The following ABCA13 variants were observed in gnomAD, a reference collection of about 807,000 sequenced individuals.
The protein encoded by ABCA13 is ATP binding cassette subfamily A member 13.
Under a neutral mutation model 478.7 loss-of-function variants are expected in ABCA13, and 476 were observed. The ratio of observed to expected loss-of-function variants is 0.99; its 90% confidence interval spans 0.92 to 1.07. The LOEUF is 1.07. Ranked by LOEUF, ABCA13 falls within the 50% of genes least tolerant of loss-of-function variation. The pLI is 0.00. For missense variants in ABCA13, 6,060 were observed against 5,910.6 expected, an observed-to-expected ratio of 1.03 and a Z score of -0.83; for synonymous variants, 2,252 against 2,158.9, an observed-to-expected ratio of 1.04 and a Z score of -1.20.
intron 38 of ABCA13, among the ~76,000 whole-genome samples, chr7:48,402,146 C>T (rs1027716193): frequency 2.1e-4 from 32 of 152,058 alleles, no homozygotes; most frequent in African/African-American, 7.2e-4. Flanking sequence ...GAGGCAGCAG[C>T]GTGGGGCCAC....
intron 30 of ABCA13, among the ~76,000 whole-genome samples, 195 bp from the exon 31 acceptor site, chr7:48,351,986 G>C (rs139386740): frequency 0.018 from 2,712 of 152,310 alleles, 30 homozygotes; most frequent in Admixed American, 0.023. Flanking sequence ...AAGAGATCTT[G>C]GTTTAGGCTT....
At chr7:48,290,940 GAAAAAAAAAAAAAAA>G (rs57470116) in intron 20 of ABCA13, among the ~76,000 whole-genome samples, 1 of 48,790 alleles carries the variant, frequency 2.0e-5, no homozygotes, top group Non-Finnish European at 4.8e-5. Flanking sequence ...CACACTCAGG[GAAAAAAAAAAAAAAA>G]AAAAAAAAAA....
At chr7:48,596,713 T>G (rs1265100467) in intron 58 of ABCA13, among the ~76,000 whole-genome samples, 6 of 151,534 alleles carry the variant, frequency 4.0e-5, no homozygotes, top group South Asian at 2.1e-4. Flanking sequence ...CAGGAGAATG[T>G]CATGAGACCG....
In ABCA13 at chr7:48,249,342, A is replaced by T; in HGVS notation, c.1996A>T (p.Arg666Ter). 1 of 1,613,034 alleles carries T rather than the reference A, an allele frequency of 6.2e-7. No homozygotes were observed. The highest frequency in any genetic ancestry group is 8.5e-7 in the Non-Finnish European group (1 of 1,179,310). ...YVNMQESFQN[R>*]LLAFPEESPC... ...AAATATGCAAGAGAGTTTCCAGAAC[A>T]GACTATTGGGTAAGTCAGTAGCCTA... is the stretch of plus-strand genomic sequence containing the variant. Residue 666 changes from arginine (R) to a stop codon, truncating the protein, a stop_gained, in exon 15 of 62, where the codon AGA becomes TGA. Coordinates refer to ENST00000435803, the MANE Select transcript of ABCA13 (RefSeq NM_152701.5). LOFTEE classifies it high-confidence loss of function.
chr7:48,177,426 T>C (rs1385660023), intron 1 of ABCA13, among the ~76,000 whole-genome samples: 1 of 152,186 alleles, frequency 6.6e-6, no homozygotes, highest in Non-Finnish European at 1.5e-5. Flanking sequence ...GGGGTGCTGC[T>C]GAGCAGCCAC....
intron 29 of ABCA13, among the ~76,000 whole-genome samples, chr7:48,342,674 C>G (rs1205056724): frequency 6.6e-6 from 1 of 152,176 alleles, no homozygotes; most frequent in African/African-American, 2.4e-5. Flanking sequence ...CTGATCACTT[C>G]TCTCTCTGCT....
intron 48 of ABCA13, among the ~76,000 whole-genome samples, chr7:48,494,876 G>GAATT (rs779045916): frequency 2.2e-4 from 34 of 152,130 alleles, no homozygotes; most frequent in East Asian, 2.1e-3. Flanking sequence ...CCTTCACTTA[G>GAATT]AATTATTGAC....
intron 14 of ABCA13, 77 bp from the exon 15 acceptor site, chr7:48,249,135 A>G: frequency 2.9e-6 from 4 of 1,372,156 alleles, no homozygotes; most frequent in Non-Finnish European, 4.0e-6. Flanking sequence ...ATTTGTTTTT[A>G]GAAAAATTTA....
At chr7:48,636,763 T>C (rs1205924373) in intron 59 of ABCA13, among the ~76,000 whole-genome samples, 1 of 152,186 alleles carries the variant, frequency 6.6e-6, no homozygotes, top group African/African-American at 2.4e-5. Context: ...CCTCCCTGCA[T>C]CCTCAGCTGT....
intron 5 of ABCA13, among the ~76,000 whole-genome samples, chr7:48,224,158 C>T (rs1240122787): frequency 2.0e-5 from 3 of 152,120 alleles, no homozygotes; most frequent in Non-Finnish European, 4.4e-5. Flanking sequence ...GACAGTTCCC[C>T]GAGAGCTCAG....
At chr7:48,501,423 T>G (rs1830731525) in intron 48 of ABCA13, among the ~76,000 whole-genome samples, 1 of 152,236 alleles carries the variant, frequency 6.6e-6, no homozygotes, top group South Asian at 2.1e-4. Context: ...GAGCGCCCCA[T>G]GAGAGGAACT....
chr7:48,597,141 G>A (rs1336264053), intron 58 of ABCA13, among the ~76,000 whole-genome samples: 4 of 152,022 alleles, frequency 2.6e-5, no homozygotes, highest in South Asian at 2.1e-4. Context: ...TAGTAGAGAC[G>A]GGGTTTCACC....
At chr7:48,358,622 A>G (rs541997514) in intron 31 of ABCA13, among the ~76,000 whole-genome samples, 1 of 151,966 alleles carries the variant, frequency 6.6e-6, no homozygotes, top group Non-Finnish European at 1.5e-5. Flanking sequence ...TGTATGACAC[A>G]CATTCTATGC....
At position 48,410,284 on chromosome 7, in the gene ABCA13, C is replaced by T. The variant is rs1333007361; in HGVS notation, c.12071-236C>T. On this transcript the variant is annotated intron_variant, in intron 39 of 61. Coordinates refer to ENST00000435803, the MANE Select transcript of ABCA13 (RefSeq NM_152701.5). ...GTTTCACTCTCCGTGCCTGGCAGAG[C>T]ACCCACTTTTGTTCATGGGGGTGGG... 2.6e-5 allele frequency among the ~76,000 whole-genome samples: 4 copies of T among 152,200 alleles called. No homozygotes were observed. In the East Asian group the frequency reaches 7.7e-4, roughly 29 times the overall value.
chr7:48,309,917 C>G, intron 23 of ABCA13, 30 bp from the exon 24 acceptor site: 1 of 1,612,326 alleles, frequency 6.2e-7, no homozygotes, highest in South Asian at 1.1e-5. Flanking sequence ...CATAGGTATA[C>G]TCACCTCTAA....
At chr7:48,505,951 A>G (rs547013307) in intron 48 of ABCA13, among the ~76,000 whole-genome samples, 4 of 152,306 alleles carry the variant, frequency 2.6e-5, no homozygotes, top group South Asian at 4.1e-4. Flanking sequence ...AGAGGTGAAT[A>G]TTGATCTGAT....
At chr7:48,465,777 A>G (rs1203274371) in intron 43 of ABCA13, among the ~76,000 whole-genome samples, 2 of 151,890 alleles carry the variant, frequency 1.3e-5, no homozygotes, top group African/African-American at 2.4e-5. Flanking sequence ...ATCGAACACT[A>G]GTACCTATTT....
At chr7:48,212,718 G>A (rs951009658) in intron 3 of ABCA13, among the ~76,000 whole-genome samples, 3 of 151,826 alleles carry the variant, frequency 2.0e-5, no homozygotes, top group Non-Finnish European at 4.4e-5. Context: ...GTGTTTATTG[G>A]CCATTTCAAT....
intron 43 of ABCA13, among the ~76,000 whole-genome samples, chr7:48,462,569 C>T (rs557607247): frequency 2.0e-5 from 3 of 151,772 alleles, no homozygotes; most frequent in Non-Finnish European, 2.9e-5. Flanking sequence ...AGTGCAGTGG[C>T]GTGATCTTGG....
Sources: allele counts gnomAD v4.1 joint callset (sites outside exome capture counted in the v4.1 genomes callset), GRCh38; gene constraint gnomAD v4.1.1; transcripts MANE v1.5; gene names NCBI Gene and HGNC (gene_info 2026-07-23, HGNC 2026-07-21).